Variants in AQR observed in about 807,000 individuals in gnomAD.
AQR encodes the protein aquarius intron-binding spliceosomal factor.
AQR carries 61 observed loss-of-function variants against 180.5 expected under a neutral mutation model. That is an observed-to-expected ratio of 0.34 (90% CI 0.28 to 0.42). The LOEUF is 0.42. Ranked by LOEUF, AQR falls within the 10% of genes least tolerant of loss-of-function variation. AQR has a pLI of 1.00. For synonymous variants in AQR, 551 were observed against 588.8 expected (o/e 0.94, Z 0.93); for missense variants, 1,281 against 1,798.3 (o/e 0.71, Z 5.20).
At chr15:34,864,977 CA>C (rs1892721335) in intron 32 of AQR, among the ~76,000 whole-genome samples, 1 of 152,210 alleles carries the variant, frequency 6.6e-6, no homozygotes, top group South Asian at 2.1e-4. Context: ...AGCACACTGA[CA>C]AACAATGGAT....
intron 23 of AQR, among the ~76,000 whole-genome samples, chr15:34,891,573 C>G (rs1893149699): frequency 6.6e-6 from 1 of 152,064 alleles, no homozygotes; most frequent in Admixed American, 6.5e-5. Flanking sequence ...GCAAATTAAT[C>G]TTTTCAATGA....
At chr15:34,924,890 C>T (rs1893735115) in intron 13 of AQR, among the ~76,000 whole-genome samples, 1 of 149,172 alleles carries the variant, frequency 6.7e-6, no homozygotes, top group African/African-American at 2.5e-5. Context: ...AATAAATACC[C>T]CAGATGAACT....
intron 3 of AQR, among the ~76,000 whole-genome samples, chr15:34,957,308 C>T (rs1223780654): frequency 7.9e-5 from 12 of 152,028 alleles, no homozygotes; most frequent in African/African-American, 1.4e-4. Flanking sequence ...AGATGCGTGC[C>T]ACCACACCCA....
Position 34,856,956 on chromosome 15 carries a change from C to G in AQR, c.4294G>C (p.Ala1432Pro). The G allele has an allele frequency of 6.2e-7, 1 of 1,614,078 alleles. No homozygotes were observed. Among genetic ancestry groups the G allele is most frequent in the Non-Finnish European group, 8.5e-7 (1 of 1,180,008 alleles). The part of the protein sequence containing the change: ...TDTSCRQETP[A>P]FQTDTTPSET... The stretch of plus-strand genomic sequence containing the variant: ...CTGGGGGTGGTGTCAGTTTGAAAGG[C>G]TGGAGTTTCTTGACGGCAGCTGGTG... The change falls in exon 35 of 35, where the codon GCC (alanine) becomes CCC (proline). Residue 1432 changes from alanine to proline, a missense_variant. By Grantham distance (27) the Ala-to-Pro change is conservative. Coordinates refer to ENST00000156471, the MANE Select transcript of AQR (RefSeq NM_014691.3).
rs1892596850 is a variant in AQR at position 34,857,051 on chromosome 15, T to C, written c.4199A>G (p.Gln1400Arg). The change falls in exon 35 of 35, where the codon CAA becomes CGA. Residue 1400 changes from glutamine to arginine, a missense_variant. This residue lies in a region of AQR where 182 missense variants were observed against 185.3 expected (regional missense o/e 0.98). Transcript: ENST00000156471. Reference protein sequence around the residue: ...MVEEGEEVQNQETELETEEEA... With the variant: ...MVEEGEEVQNRETELETEEEA... ...TTCTTCTGTTTCCAATTCTGTTTCT[T>C]GATTTTGAACTTCCTCACCCTCTTC... The C allele has an allele frequency of 6.2e-7, 1 of 1,613,188 alleles. No homozygotes were observed.
intron 15 of AQR, among the ~76,000 whole-genome samples, chr15:34,916,748 G>A (rs961041995): frequency 1.3e-5 from 2 of 151,660 alleles, no homozygotes; most frequent in African/African-American, 4.8e-5. Flanking sequence ...TCAAGCCTCT[G>A]CACAAGGTGG....
chr15:34,957,932 G>A (rs935122861), intron 3 of AQR, among the ~76,000 whole-genome samples: 6 of 151,782 alleles, frequency 4.0e-5, no homozygotes, highest in African/African-American at 4.8e-5. Flanking sequence ...AGCGGTGGCC[G>A]GGCGCAGTGG....
Position 34,882,598 on chromosome 15 carries a change from T to C in AQR, c.3069A>G (p.Arg1023=). ...ASELLRSGLD[R]SKYLLVKEAK... ...CTTCTTTCACTAAAAGGTATTTAGA[T>C]CTGTCCAGTCCACTTCGAAGCAATT... is the stretch of plus-strand genomic sequence containing the variant. Residue 1023 remains arginine (R), a synonymous_variant, in exon 27 of 35, where the codon AGA becomes AGG. Transcript: ENST00000156471. 6.2e-7 allele frequency: 1 copy of C among 1,613,074 alleles called. No homozygotes were observed. The highest frequency in any genetic ancestry group is 8.5e-7 in the Non-Finnish European group (1 of 1,179,512).
intron 1 of AQR, among the ~76,000 whole-genome samples, chr15:34,969,092 C>T (rs1020103863): frequency 6.6e-6 from 1 of 152,178 alleles, no homozygotes; most frequent in East Asian, 1.9e-4. Flanking sequence ...GGTGTCTTGT[C>T]AGTTTCTCAT....
At chr15:34,909,128 T>G (rs1460140689) in intron 17 of AQR, among the ~76,000 whole-genome samples, 1 of 152,206 alleles carries the variant, frequency 6.6e-6, no homozygotes, top group Admixed American at 6.5e-5. Context: ...TTCTTTGATA[T>G]AGTTCCCATG....
intron 13 of AQR, among the ~76,000 whole-genome samples, chr15:34,923,975 A>T (rs2140488072): frequency 6.6e-6 from 1 of 152,306 alleles, no homozygotes; most frequent in South Asian, 2.1e-4. Flanking sequence ...TATGATTGGA[A>T]TTAAAATATA....
chr15:34,949,276 A>ATGAGCCACTACACTGGGCC (rs143359276), intron 4 of AQR, among the ~76,000 whole-genome samples: 84,004 of 150,272 alleles, frequency 0.56, 28,151 homozygotes, highest in South Asian at 0.75. Flanking sequence ...GATTACAGGC[A>ATGAGCCACTACACTGGGCC]TGAGCCACTA....
intron 22 of AQR, among the ~76,000 whole-genome samples, chr15:34,894,159 C>G (rs1162403686): frequency 6.6e-6 from 1 of 151,840 alleles, no homozygotes; most frequent in Non-Finnish European, 1.5e-5. Flanking sequence ...TCAGTGAACC[C>G]CAACAGAATA....
intron 4 of AQR, among the ~76,000 whole-genome samples, chr15:34,949,178 G>T (rs1894177341): frequency 6.6e-6 from 1 of 151,546 alleles, no homozygotes; most frequent in Non-Finnish European, 1.5e-5. Flanking sequence ...ATTTTTAGTA[G>T]AGACGGGGTT....
chr15:34,947,528 TAATAATAATAA>T (rs1894148695), intron 5 of AQR, among the ~76,000 whole-genome samples: 1 of 145,698 alleles, frequency 6.9e-6, no homozygotes, highest in African/African-American at 2.5e-5. Flanking sequence ...ATAATAATAA[TAATAATAATAA>T]AATAAATAAA....
intron 9 of AQR, among the ~76,000 whole-genome samples, chr15:34,935,321 T>C (rs1477038131): frequency 6.6e-6 from 1 of 152,172 alleles, no homozygotes; most frequent in Non-Finnish European, 1.5e-5. Flanking sequence ...AAAGCTTTTT[T>C]TCTAATGCCA....
intron 5 of AQR, among the ~76,000 whole-genome samples, chr15:34,944,672 CT>C (rs914672561): frequency 1.3e-5 from 2 of 152,108 alleles, no homozygotes; most frequent in African/African-American, 4.8e-5. Flanking sequence ...GCTTTCATTT[CT>C]TTAGTTTTTC....
chr15:34,938,696 T>TTGTGAA, intron 9 of AQR, 41 bp downstream of exon 9: 2 of 1,242,524 alleles, frequency 1.6e-6, no homozygotes, highest in Non-Finnish European at 2.3e-6. Context: ...GGGGCAGCTA[T>TTGTGAA]ATGATAATTT....
At position 34,915,404 on chromosome 15, in the gene AQR, C is replaced by A. The variant is rs185288435; in HGVS notation, c.1343-225G>T. Reference sequence around the variant, plus strand: ...ACAGGGTTTCACTATGTTGGCCAGGCTGGTCTCGAACTCCTGACCTTGTGA... The same window carrying A: ...ACAGGGTTTCACTATGTTGGCCAGGATGGTCTCGAACTCCTGACCTTGTGA... On this transcript the variant is annotated intron_variant, in intron 15 of 34. Transcript: ENST00000156471. 3.2e-3 allele frequency among the ~76,000 whole-genome samples: 483 copies of A among 151,638 alleles called. 5 individuals are homozygous for A. The highest frequency in any genetic ancestry group is 0.011 in the African/African-American group (455 of 41,412).
Sources: gnomAD v4.1 joint callset for allele counts (sites outside exome capture counted in the v4.1 genomes callset) on GRCh38, gnomAD v4.1.1 for gene constraint, gnomAD v4.1.1 regional missense constraint, MANE v1.5 for transcripts, NCBI Gene and HGNC (gene_info 2026-07-23, HGNC 2026-07-21) for gene names.